The following NREP variants were observed in gnomAD, a reference collection of about 807,000 sequenced individuals.
The protein encoded by NREP is neuronal regeneration related protein.
Under a neutral mutation model 8.6 loss-of-function variants are expected in NREP, and 5 were observed. The observed-to-expected ratio is 0.58, with a 90% confidence interval of 0.30 to 1.22. The LOEUF is 1.22. Among genes scored for constraint, NREP ranks in the 50% most tolerant of loss-of-function variants. The pLI, the probability that NREP is intolerant of heterozygous loss-of-function variation, is 0.07. For missense variants in NREP, 86 were observed against 82.5 expected, an observed-to-expected ratio of 1.04 and a Z score of -0.17; for synonymous variants, 27 against 28.0, an observed-to-expected ratio of 0.96 and a Z score of 0.11.
intron 2 of NREP, among the ~76,000 whole-genome samples, chr5:111,889,763 G>T (rs1754349564): frequency 2.0e-5 from 3 of 152,204 alleles, no homozygotes; most frequent in South Asian, 4.1e-4. Flanking sequence ...TCACTTGGGT[G>T]CAAGTGGGCT....
intron 2 of NREP, among the ~76,000 whole-genome samples, chr5:111,807,416 T>A (rs898548174): frequency 6.6e-6 from 1 of 152,200 alleles, no homozygotes; most frequent in East Asian, 1.9e-4. Flanking sequence ...TTACCAAATA[T>A]TATGTAAATG....
intron 2 of NREP, among the ~76,000 whole-genome samples, chr5:111,905,596 T>C (rs1479375671): frequency 1.3e-5 from 2 of 152,136 alleles, no homozygotes; most frequent in East Asian, 1.9e-4. Flanking sequence ...TGCTACTGCA[T>C]GTAGACAGCA....
upstream of NREP, among the ~76,000 whole-genome samples, chr5:111,760,072 T>C (rs1750927362): frequency 6.6e-6 from 1 of 152,216 alleles, no homozygotes; most frequent in South Asian, 2.1e-4. Context: ...AAAGATTGAC[T>C]TCAGCTAAGA....
exon 1 of NREP, chr5:111,976,802 G>A (rs1049831334): frequency 5.5e-5 from 80 of 1,443,240 alleles, no homozygotes; most frequent in African/African-American, 1.1e-4. Flanking sequence ...GCTTCTTGCC[G>A]GGAGTTGGCC....
At chr5:111,961,380 A>G (rs1485601111) in intron 2 of NREP, among the ~76,000 whole-genome samples, 2 of 152,244 alleles carry the variant, frequency 1.3e-5, no homozygotes, top group African/African-American at 4.8e-5. Context: ...AAAAGAAGCA[A>G]TAAGTGCCAA....
chr5:111,871,774 C>G (rs941407014), intron 2 of NREP, among the ~76,000 whole-genome samples: 1 of 150,782 alleles, frequency 6.6e-6, no homozygotes, highest in Non-Finnish European at 1.5e-5. Context: ...AGTTTTTCAG[C>G]TCCATTATAA....
intron 2 of NREP, among the ~76,000 whole-genome samples, chr5:111,788,193 C>T (rs1751658465): frequency 6.6e-6 from 1 of 152,132 alleles, no homozygotes; most frequent in Non-Finnish European, 1.5e-5. Flanking sequence ...TAATGCAACC[C>T]CTCATGGTGT....
chr5:111,976,882 TGCACTGCCTGGAAAAGTAATTCCTTC>T, exon 1 of NREP: 1 of 620,900 alleles, frequency 1.6e-6, no homozygotes. Context: ...ATAGCATGAT[TGCACTGCCTGGAAAAGTAATTCCTTC>T]TAGATGCTGG....
chr5:111,962,374 C>T (rs191346746), intron 2 of NREP, among the ~76,000 whole-genome samples: 1 of 151,678 alleles, frequency 6.6e-6, no homozygotes, highest in Admixed American at 6.6e-5. Context: ...TTCTCCAATC[C>T]CAAACCCCCA....
chr5:111,798,840 A>G (rs1751935169), intron 2 of NREP, among the ~76,000 whole-genome samples: 1 of 151,444 alleles, frequency 6.6e-6, no homozygotes, highest in African/African-American at 2.4e-5. Flanking sequence ...TGGGCATTTA[A>G]GCTGGTTCCA....
chr5:111,797,664 T>C (rs1202423271), intron 2 of NREP, among the ~76,000 whole-genome samples: 4 of 152,116 alleles, frequency 2.6e-5, no homozygotes, highest in Admixed American at 2.6e-4. Context: ...ATTGTGCCAG[T>C]TTCATCTTCA....
At chr5:111,963,886 A>G (rs1350630740) in intron 2 of NREP, among the ~76,000 whole-genome samples, 1 of 152,188 alleles carries the variant, frequency 6.6e-6, no homozygotes, top group Admixed American at 6.5e-5. Flanking sequence ...ACCACTCAAC[A>G]CTGCCTGTGT....
intron 2 of NREP, among the ~76,000 whole-genome samples, chr5:111,863,924 A>T (rs1221788004): frequency 9.2e-5 from 14 of 152,124 alleles, no homozygotes; most frequent in Non-Finnish European, 1.9e-4. Flanking sequence ...AAGTGTTCCA[A>T]GATATATGGA....
chr5:111,839,104 GAACAA>G (rs1752964582), intron 2 of NREP, among the ~76,000 whole-genome samples: 1 of 152,020 alleles, frequency 6.6e-6, no homozygotes, highest in African/African-American at 2.4e-5. Flanking sequence ...GTAGTACAAT[GAACAA>G]AACATACTCA....
chr5:111,959,099 T>C (rs566838356), intron 2 of NREP, among the ~76,000 whole-genome samples: 1 of 152,048 alleles, frequency 6.6e-6, no homozygotes, highest in East Asian at 1.9e-4. Context: ...ACTGCAAACC[T>C]ATTAAAAGCA....
At chr5:111,791,653 T>G (rs1004930877) in intron 2 of NREP, among the ~76,000 whole-genome samples, 12 of 152,116 alleles carry the variant, frequency 7.9e-5, no homozygotes, top group African/African-American at 2.7e-4. Context: ...GGCTAATTTT[T>G]GTAGAGACAG....
intron 2 of NREP, among the ~76,000 whole-genome samples, chr5:111,881,907 C>A (rs1476006801): frequency 6.6e-6 from 1 of 152,156 alleles, no homozygotes; most frequent in Admixed American, 6.5e-5. Context: ...ACTGGAAACT[C>A]TAAAAAGCAG....
intron 2 of NREP, among the ~76,000 whole-genome samples, chr5:111,881,905 C>T (rs1422173951): frequency 1.3e-5 from 2 of 152,132 alleles, no homozygotes; most frequent in African/African-American, 2.4e-5. Flanking sequence ...AAACTGGAAA[C>T]TCTAAAAAGC....
At chr5:111,832,236 G>A (rs1752786197) in intron 2 of NREP, among the ~76,000 whole-genome samples, 1 of 152,028 alleles carries the variant, frequency 6.6e-6, no homozygotes, top group Admixed American at 6.6e-5. Context: ...ACCACCCTGG[G>A]GCTGGGTGTG....
Sources: allele counts gnomAD v4.1 joint callset (sites outside exome capture counted in the v4.1 genomes callset), GRCh38; gene constraint gnomAD v4.1.1; transcripts MANE v1.5; gene names NCBI Gene and HGNC (gene_info 2026-07-23, HGNC 2026-07-21).